EDEM3: variants seen among roughly 807,000 people sequenced by gnomAD.
EDEM3 encodes the protein ER degradation-enhancing alpha-mannosidase-like protein 3.
Under a neutral mutation model 110.2 loss-of-function variants are expected in EDEM3, and 60 were observed. That is an observed-to-expected ratio of 0.54 (90% CI 0.44 to 0.67). EDEM3 has a LOEUF of 0.67. Among genes scored for constraint, EDEM3 ranks in the 30% least tolerant of loss-of-function variants. The pLI is 0.00. For missense variants in EDEM3, 996 were observed against 1,121.0 expected (o/e 0.89, Z 1.59); for synonymous variants, 352 against 382.9 (o/e 0.92, Z 0.94).
chr1:184,728,430 A>G (rs933352616), intron 6 of EDEM3, among the ~76,000 whole-genome samples: 11 of 152,148 alleles, frequency 7.2e-5, no homozygotes, highest in Non-Finnish European at 1.3e-4. Flanking sequence ...AAATGGAAAT[A>G]CTTTGAATCA....
At chr1:184,722,971 A>T (rs1486933516) in intron 8 of EDEM3, among the ~76,000 whole-genome samples, 1 of 151,930 alleles carries the variant, frequency 6.6e-6, no homozygotes, top group African/African-American at 2.4e-5. Flanking sequence ...TTTTAATAAC[A>T]ATATTCCAAC....
At chr1:184,736,677 T>C (rs988661658) in intron 4 of EDEM3, among the ~76,000 whole-genome samples, 2 of 152,178 alleles carry the variant, frequency 1.3e-5, no homozygotes, top group African/African-American at 2.4e-5. Context: ...ACAATTTTGA[T>C]ATCATTTTGG....
chr1:184,740,853 C>CA (rs1652096701), intron 2 of EDEM3, among the ~76,000 whole-genome samples: 2 of 152,116 alleles, frequency 1.3e-5, no homozygotes, highest in African/African-American at 4.8e-5. Context: ...GTGGTTGTGA[C>CA]ATAAAGGTTG....
chr1:184,733,071 T>C, intron 5 of EDEM3, 81 bp from the exon 6 acceptor site: 1 of 1,425,574 alleles, frequency 7.0e-7, no homozygotes, highest in Non-Finnish European at 9.4e-7. Flanking sequence ...GGTACTTTGT[T>C]ATACAATTTA....
chr1:184,699,716 T>C (rs998641232), intron 19 of EDEM3, among the ~76,000 whole-genome samples: 1 of 151,824 alleles, frequency 6.6e-6, no homozygotes, highest in Non-Finnish European at 1.5e-5. Flanking sequence ...TTTTTTTTCT[T>C]TCCTCCATTT....
chr1:184,702,778 T>C, intron 19 of EDEM3, 33 bp downstream of exon 19: 1 of 1,456,270 alleles, frequency 6.9e-7, no homozygotes, highest in Non-Finnish European at 9.1e-7. Flanking sequence ...AATATTACGC[T>C]GCATAAAAAA....
intron 2 of EDEM3, among the ~76,000 whole-genome samples, chr1:184,740,532 T>C (rs74762431): frequency 0.026 from 3,971 of 152,294 alleles, 182 homozygotes; most frequent in African/African-American, 0.091. Flanking sequence ...TTTCAAAGTC[T>C]GTCAAGTGAA....
At chr1:184,732,416 G>A (rs1448693305) in intron 6 of EDEM3, among the ~76,000 whole-genome samples, 3 of 152,090 alleles carry the variant, frequency 2.0e-5, no homozygotes, top group East Asian at 1.9e-4. Flanking sequence ...ACAACAGAGC[G>A]ATTACAGTCA....
chr1:184,718,245 GAAAT>G (rs1229875947), intron 11 of EDEM3, among the ~76,000 whole-genome samples: 1 of 151,658 alleles, frequency 6.6e-6, no homozygotes, highest in Non-Finnish European at 1.5e-5. Context: ...GCATTATTTA[GAAAT>G]AAATAAAATT....
At chr1:184,744,249 A>AATATATATAT (rs55959890) in intron 2 of EDEM3, among the ~76,000 whole-genome samples, 35 of 87,602 alleles carry the variant, frequency 4.0e-4, no homozygotes, top group Admixed American at 8.5e-4. Context: ...ACAAATGACA[A>AATATATATAT]ATATATATAT....
At chr1:184,731,343 C>CT (rs1651506034) in intron 6 of EDEM3, among the ~76,000 whole-genome samples, 1 of 152,150 alleles carries the variant, frequency 6.6e-6, no homozygotes, top group Non-Finnish European at 1.5e-5. Context: ...GCCAACTCTC[C>CT]TTTAACTATC....
rs545268689 is a variant in EDEM3, at chr1:184,693,035, C to T, written c.*1028G>A. The T allele has an allele frequency of 6.5e-6, 1 of 154,848 alleles. No individual in the cohort carries two copies. Among genetic ancestry groups the T allele is most frequent in the East Asian group, 1.9e-4 (1 of 5,182 alleles). 9.6% of individuals were successfully genotyped at this position (154,848 alleles called of 1,614,324 possible). On this transcript the variant is annotated 3_prime_UTR_variant, in exon 20 of 20. Transcript: ENST00000318130. ...TAGTTACTCCAGGAATTTTAACTCA[C>T]TAACCACAGTTCTATCATGGCTCTG...
intron 17 of EDEM3, among the ~76,000 whole-genome samples, chr1:184,707,013 T>G (rs1236974545): frequency 6.6e-6 from 1 of 152,186 alleles, no homozygotes; most frequent in Admixed American, 6.6e-5. Context: ...TGCTTTGCAG[T>G]TTATAGAACA....
chr1:184,707,381 T>C (rs1476673679), intron 17 of EDEM3, among the ~76,000 whole-genome samples: 1 of 152,224 alleles, frequency 6.6e-6, no homozygotes, highest in African/African-American at 2.4e-5. Context: ...TCCTTCACTC[T>C]ACTAAAATGT....
intron 12 of EDEM3, 30 bp from the exon 13 acceptor site, chr1:184,717,042 T>G (rs556785938): frequency 1.3e-6 from 2 of 1,499,366 alleles, no homozygotes; most frequent in African/African-American, 1.4e-5. Context: ...ATGTATAATA[T>G]ATATAGCTTA....
chr1:184,730,004 AT>A (rs986482374), intron 6 of EDEM3, among the ~76,000 whole-genome samples: 3 of 152,220 alleles, frequency 2.0e-5, no homozygotes, highest in Admixed American at 6.5e-5. Context: ...TAAGAAAAAA[AT>A]GATCAACAAA....
intron 8 of EDEM3, among the ~76,000 whole-genome samples, chr1:184,723,443 C>T (rs1651010068): frequency 6.6e-6 from 1 of 151,910 alleles, no homozygotes; most frequent in Admixed American, 6.6e-5. Context: ...CTTACTAAAC[C>T]ACACCTTGAC....
At chr1:184,716,504 G>A (rs1650554770) in intron 13 of EDEM3, among the ~76,000 whole-genome samples, 1 of 152,016 alleles carries the variant, frequency 6.6e-6, no homozygotes, top group Admixed American at 6.6e-5. Context: ...ATTCTTGGCC[G>A]AACACAAATC....
intron 7 of EDEM3, 66 bp downstream of exon 7, chr1:184,726,189 C>A: frequency 6.6e-7 from 1 of 1,525,544 alleles, no homozygotes; most frequent in Non-Finnish European, 8.9e-7. Context: ...AATATTTAAC[C>A]AATGAAGAAG....
Sources: allele counts gnomAD v4.1 joint callset (sites outside exome capture counted in the v4.1 genomes callset), GRCh38; gene constraint gnomAD v4.1.1; transcripts MANE v1.5; gene names NCBI Gene and HGNC (gene_info 2026-07-23, HGNC 2026-07-21).